AAMDC: variants seen among roughly 807,000 people sequenced by gnomAD.
AAMDC encodes mth938 domain-containing protein.
A neutral mutation model predicts 15.5 loss-of-function variants in AAMDC; 16 were observed. The ratio of observed to expected loss-of-function variants is 1.03; its 90% CI spans 0.70 to 1.57. AAMDC has a LOEUF of 1.57. Ranked by LOEUF, AAMDC falls within the 40% of genes most tolerant of loss-of-function variation. The pLI is 0.00. For missense variants in AAMDC, 141 were observed against 144.9 expected, an observed-to-expected ratio of 0.97 and a Z score of 0.14; for synonymous variants, 51 against 51.6, an observed-to-expected ratio of 0.99 and a Z score of 0.05.
chr11:77,826,531 G>A (rs1231146115), intron 1 of AAMDC, among the ~76,000 whole-genome samples: 1 of 152,186 alleles, frequency 6.6e-6, no homozygotes, highest in Non-Finnish European at 1.5e-5. Flanking sequence ...CAGAAAGGCT[G>A]TACTGACTGT....
At chr11:77,833,398 G>A (rs1013524767) in intron 1 of AAMDC, among the ~76,000 whole-genome samples, 1 of 152,124 alleles carries the variant, frequency 6.6e-6, no homozygotes, top group Non-Finnish European at 1.5e-5. Context: ...AAGGGACTGT[G>A]CAACCTAAAT....
chr11:77,823,015 A>T (rs1033517633), intron 1 of AAMDC, among the ~76,000 whole-genome samples: 6 of 152,094 alleles, frequency 3.9e-5, no homozygotes, highest in African/African-American at 1.4e-4. Context: ...GGAGATCAAG[A>T]CCATCCTGGC....
exon 6 of AAMDC, chr11:77,900,692 A>C: frequency 1.5e-6 from 1 of 684,430 alleles, no homozygotes; most frequent in East Asian, 2.7e-5. Context: ...AATAGTAAGA[A>C]ACAAAAAACA....
At chr11:77,897,458 T>C (rs1475813571) in intron 5 of AAMDC, among the ~76,000 whole-genome samples, 4 of 151,620 alleles carry the variant, frequency 2.6e-5, no homozygotes, top group African/African-American at 7.3e-5. Flanking sequence ...AGAAGCTACA[T>C]TATAAAAACA....
At chr11:77,878,293 C>A (rs1191468667) in intron 5 of AAMDC, among the ~76,000 whole-genome samples, 1 of 150,766 alleles carries the variant, frequency 6.6e-6, no homozygotes, top group Non-Finnish European at 1.5e-5. Flanking sequence ...ACCCAGGAGG[C>A]AGAGGTTGCA....
downstream of AAMDC, among the ~76,000 whole-genome samples, chr11:77,901,117 T>A (rs1952764510): frequency 6.6e-6 from 1 of 152,178 alleles, no homozygotes; most frequent in Non-Finnish European, 1.5e-5. Flanking sequence ...CTTAAGGAAA[T>A]CTATCAAGTA....
rs578027406 is a variant in AAMDC, at chr11:77,899,513, A to G, written c.329-1058A>G. ...ATGGTGAAACCCGTCTCTACTGAAA[A>G]TACAAAATTAGCCGGGCATGGTGTT... On this transcript the variant is annotated intron_variant, in intron 5 of 5. Transcript: ENST00000304716. 2.6e-5 allele frequency among the ~76,000 whole-genome samples: 4 copies of G among 152,006 alleles called. No individual in the cohort carries two copies. The East Asian group carries it at 7.7e-4, about 29-fold the overall frequency.
intron 1 of AAMDC, among the ~76,000 whole-genome samples, chr11:77,823,055 A>AT (rs1948994671): frequency 2.0e-5 from 3 of 152,086 alleles, no homozygotes; most frequent in Non-Finnish European, 4.4e-5. Flanking sequence ...TCTACTAAAA[A>AT]TACAAAAAAT....
chr11:77,863,287 AGCAGAC>A (rs1158479746), intron 2 of AAMDC, among the ~76,000 whole-genome samples: 1 of 152,192 alleles, frequency 6.6e-6, no homozygotes, highest in Non-Finnish European at 1.5e-5. Flanking sequence ...TCAGGAGCAC[AGCAGAC>A]ACCCTGCCGG....
At chr11:77,902,188 A>G (rs1221668493), downstream of AAMDC, among the ~76,000 whole-genome samples, 1 of 152,190 alleles carries the variant, frequency 6.6e-6, no homozygotes. Flanking sequence ...AATTGGCAAT[A>G]AGACAAGTTA....
intron 2 of AAMDC, among the ~76,000 whole-genome samples, chr11:77,855,776 A>C (rs150358603): frequency 2.2e-3 from 324 of 145,300 alleles, no homozygotes; most frequent in African/African-American, 7.5e-3. Context: ...AGGCAGCCAG[A>C]CCATGTCTTG....
chr11:77,870,429 C>T (rs188408305), intron 3 of AAMDC, among the ~76,000 whole-genome samples: 13 of 150,020 alleles, frequency 8.7e-5, no homozygotes, highest in Admixed American at 4.0e-4. Flanking sequence ...CTCTGCCTCC[C>T]GGGTTCATGC....
At chr11:77,829,554 A>C (rs1480617531) in intron 1 of AAMDC, 1 of 152,212 alleles carries the variant, frequency 6.6e-6, no homozygotes, top group Non-Finnish European at 1.5e-5. Context: ...CTGGAGATCC[A>C]CATAGAAAAG....
At chr11:77,905,330 A>T (rs1323825453), downstream of AAMDC, among the ~76,000 whole-genome samples, 1 of 151,972 alleles carries the variant, frequency 6.6e-6, no homozygotes, top group Non-Finnish European at 1.5e-5. Flanking sequence ...GGTGGTGCAC[A>T]CCTGTAATCC....
chr11:77,870,672 C>T (rs193044287), intron 3 of AAMDC, among the ~76,000 whole-genome samples: 105 of 152,100 alleles, frequency 6.9e-4, no homozygotes, highest in African/African-American at 2.4e-3. Flanking sequence ...AATATATGCT[C>T]ATTGTAAAAG....
intron 2 of AAMDC, among the ~76,000 whole-genome samples, chr11:77,852,242 G>A (rs12802113): frequency 0.48 from 35,007 of 73,204 alleles, 7,325 homozygotes; most frequent in African/African-American, 0.57. Context: ...AAAAAAAAAA[G>A]AAGAAGAAGA....
In AAMDC at chr11:77,868,058, C is replaced by CTTT. The variant is rs35305436; in HGVS notation, c.133-1651_133-1649dup. Among the ~76,000 whole-genome samples, 99 of 137,066 alleles carry CTTT rather than the reference C, an allele frequency of 7.2e-4. 1 individual carries two copies. The highest frequency in any genetic ancestry group is 7.0e-3 in the East Asian group (34 of 4,824). The allele number at this position is 137,066 out of a possible 152,430, so 89.9% of individuals were successfully genotyped here. On this transcript the variant is annotated intron_variant, in intron 2 of 3. Transcript: ENST00000393427. ...TCTAGTCTTTTTCTTTCCTCTGAGC[C>CTTT]TTTTTTTTTTTTTTTGAGACAGAGT...
intron 1 of AAMDC, among the ~76,000 whole-genome samples, chr11:77,827,625 T>G (rs945215903): frequency 6.6e-6 from 1 of 152,234 alleles, no homozygotes; most frequent in Admixed American, 6.5e-5. Context: ...GGGAACTTTT[T>G]CAGCCTGATT....
At chr11:77,903,853 T>TCCCA (rs1160051381), downstream of AAMDC, among the ~76,000 whole-genome samples, 2 of 152,160 alleles carry the variant, frequency 1.3e-5, no homozygotes, top group Non-Finnish European at 2.9e-5. Context: ...AGGCTCTGTG[T>TCCCA]CCCAGATCAG....
Sources: allele counts gnomAD v4.1 joint callset (sites outside exome capture counted in the v4.1 genomes callset), GRCh38; gene constraint gnomAD v4.1.1; transcripts MANE v1.5; gene names NCBI Gene and HGNC (gene_info 2026-07-23, HGNC 2026-07-21).